CSRP3: variants seen among roughly 807,000 people sequenced by gnomAD.
CSRP3 encodes the protein cysteine and glycine-rich protein 3.
In CSRP3, 24 loss-of-function variants were observed where a neutral mutation model predicts 24.3. The observed-to-expected ratio is 0.99, with a 90% CI of 0.71 to 1.39. CSRP3 has a LOEUF of 1.39. Ranked by LOEUF, CSRP3 falls within the 40% of genes most tolerant of loss-of-function variation. The pLI, the probability that CSRP3 is intolerant of heterozygous loss-of-function variation, is 0.00. For missense variants in CSRP3, 240 were observed against 249.0 expected (o/e 0.96, Z 0.24); for synonymous variants, 105 against 94.0 (o/e 1.12, Z -0.68).
chr11:19,200,196 A>G (rs1850813168), intron 1 of CSRP3, among the ~76,000 whole-genome samples: 1 of 152,222 alleles, frequency 6.6e-6, no homozygotes, highest in Non-Finnish European at 1.5e-5. Context: ...CCTATACTTT[A>G]TCTCATTCAA....
chr11:19,200,235 G>A (rs966929529), intron 1 of CSRP3, among the ~76,000 whole-genome samples: 1 of 152,176 alleles, frequency 6.6e-6, no homozygotes, highest in Non-Finnish European at 1.5e-5. Context: ...ATAGAGGTAG[G>A]CTACCCTTAG....
At chr11:19,187,967 G>A (rs1339808161) in intron 3 of CSRP3, among the ~76,000 whole-genome samples, 169 bp downstream of exon 3, 1 of 152,212 alleles carries the variant, frequency 6.6e-6, no homozygotes, top group Non-Finnish European at 1.5e-5. Flanking sequence ...AGAGTCTTTG[G>A]AGAGATGACA....
chr11:19,186,772 A>G (rs3781799), intron 3 of CSRP3, among the ~76,000 whole-genome samples: 17,297 of 152,188 alleles, frequency 0.11, 1,087 homozygotes, highest in African/African-American at 0.12. Context: ...GCAAGGTGGG[A>G]TTTTGACAAT....
chr11:19,192,434 G>A lies in CSRP3; in HGVS notation c.15C>T (p.Gly5=), dbSNP rs747959696. The part of the protein sequence containing the change: MPNW[G]GGAKCGACEK... ...CACAGGCTCCACATTTTGCGCCTCC[G>A]CCCCAGTTTGGCATCTTGAAGACTA... The change falls in exon 2 of 6, where the codon GGC becomes GGT. Residue 5 remains glycine (G), a synonymous_variant. Transcript: ENST00000265968. 2.6e-5 allele frequency: 42 copies of A among 1,613,894 alleles called. No individual in the cohort carries two copies. The highest frequency in any genetic ancestry group is 1.6e-4 in the Middle Eastern group (1 of 6,084).
chr11:19,195,060 C>G lies in CSRP3; in HGVS notation c.-28-2584G>C, dbSNP rs551644924. 2.6e-5 allele frequency among the ~76,000 whole-genome samples: 4 copies of G among 151,992 alleles called. No individual in the cohort carries two copies. In the South Asian group the frequency reaches 8.3e-4, roughly 32 times the overall value. On this transcript the variant is annotated intron_variant, in intron 1 of 5. Transcript: ENST00000265968. Reference sequence around the variant, plus strand: ...GACGGACTGGCTCCCCACATTTAGTCTGGGGATAAAGGCAGTGAACTGTTG... The same window carrying G: ...GACGGACTGGCTCCCCACATTTAGTGTGGGGATAAAGGCAGTGAACTGTTG...
At chr11:19,188,463 C>A (rs1850565664) in intron 2 of CSRP3, among the ~76,000 whole-genome samples, 159 bp from the exon 3 acceptor site, 1 of 152,162 alleles carries the variant, frequency 6.6e-6, no homozygotes, top group African/African-American at 2.4e-5. Context: ...CTGAGTTGTG[C>A]ACTCCAAGAC....
Position 19,192,390 on chromosome 11 carries a change from G to A in CSRP3, c.59C>T (p.Ala20Val). The part of the protein sequence containing the change: ...CGACEKTVYH[A>V]EEIQCNGRSF... ...CCTTCCATTGCACTGGATTTCTTCT[G>A]CATGGTAGACGGTCTTTTCACAGGC... Residue 20 changes from alanine (A) to valine (V), a missense_variant, in exon 2 of 6, where the codon GCA becomes GTA. By Grantham distance (64) the Ala-to-Val change is moderately conservative (BLOSUM62 0). Transcript: ENST00000265968. The A allele has an allele frequency of 6.2e-7, 1 of 1,614,242 alleles. No individual in the cohort carries two copies. The highest frequency in any genetic ancestry group is 8.5e-7 in the Non-Finnish European group (1 of 1,180,048).
intron 1 of CSRP3, among the ~76,000 whole-genome samples, chr11:19,192,999 G>T (rs1245006652): frequency 1.3e-5 from 2 of 152,170 alleles, no homozygotes; most frequent in Non-Finnish European, 2.9e-5. Context: ...TATTGATGCT[G>T]CTGGCAGTGG....
At chr11:19,192,262 G>A in intron 2 of CSRP3, 75 bp downstream of exon 2, 2 of 975,054 alleles carry the variant, frequency 2.1e-6, no homozygotes, top group Non-Finnish European at 3.3e-6. Flanking sequence ...CTGGCATACA[G>A]TGTTTGTGAT....
chr11:19,191,408 G>A (rs956254798), intron 2 of CSRP3, among the ~76,000 whole-genome samples: 1 of 152,156 alleles, frequency 6.6e-6, no homozygotes, highest in African/African-American at 2.4e-5. Context: ...ACTAGTCGGG[G>A]AGGGGGCTCG....
intron 1 of CSRP3, among the ~76,000 whole-genome samples, chr11:19,199,953 G>C (rs1590110389): frequency 6.6e-6 from 1 of 152,318 alleles, no homozygotes; most frequent in East Asian, 1.9e-4. Flanking sequence ...TCTGCCTCAA[G>C]ACTTGTATTT....
chr11:19,194,094 T>C (rs554348015), intron 1 of CSRP3, among the ~76,000 whole-genome samples: 1 of 152,280 alleles, frequency 6.6e-6, no homozygotes, highest in African/African-American at 2.4e-5. Context: ...CCAGTCACCT[T>C]CTTATAATAG....
intron 1 of CSRP3, among the ~76,000 whole-genome samples, chr11:19,200,638 C>A (rs902767677): frequency 6.6e-6 from 1 of 152,246 alleles, no homozygotes; most frequent in African/African-American, 2.4e-5. Context: ...CTCAGCTACA[C>A]CTCCTGCCCA....
intron 1 of CSRP3, among the ~76,000 whole-genome samples, chr11:19,197,337 T>TCTCC (rs1192993340): frequency 1.0e-5 from 1 of 95,794 alleles, no homozygotes; most frequent in African/African-American, 4.6e-5. Context: ...TCCAACTATT[T>TCTCC]CTCCCTCCCT....
At chr11:19,189,908 G>A (rs1189074798) in intron 2 of CSRP3, among the ~76,000 whole-genome samples, 3 of 152,184 alleles carry the variant, frequency 2.0e-5, no homozygotes, top group African/African-American at 7.2e-5. Context: ...CATAGAAGGT[G>A]TGTACACTTG....
At chr11:19,188,439 C>T (rs1850565327) in intron 2 of CSRP3, 135 bp from the exon 3 acceptor site, 1 of 828,350 alleles carries the variant, frequency 1.2e-6, no homozygotes, top group South Asian at 1.6e-5. Context: ...TGATTCCTGA[C>T]CAGAGTATCT....
At chr11:19,188,658 G>T (rs1486124413) in intron 2 of CSRP3, among the ~76,000 whole-genome samples, 1 of 150,890 alleles carries the variant, frequency 6.6e-6, no homozygotes, top group African/African-American at 2.4e-5. Flanking sequence ...GTGTTTGTGG[G>T]CGCGCGCGTT....
intron 3 of CSRP3, among the ~76,000 whole-genome samples, chr11:19,186,882 G>A (rs181534771): frequency 6.6e-6 from 1 of 152,322 alleles, no homozygotes; most frequent in East Asian, 1.9e-4. Context: ...CCTGTCCCAG[G>A]AGAACAATGT....
At chr11:19,184,539 C>T (rs574603705) in intron 5 of CSRP3, among the ~76,000 whole-genome samples, 1 of 152,202 alleles carries the variant, frequency 6.6e-6, no homozygotes. Context: ...AAACTGAGTT[C>T]ACCCTCCTCC....
Sources: allele counts gnomAD v4.1 joint callset (sites outside exome capture counted in the v4.1 genomes callset), GRCh38; gene constraint gnomAD v4.1.1; transcripts MANE v1.5; gene names NCBI Gene and HGNC (gene_info 2026-07-23, HGNC 2026-07-21).